Variants in PCDH11X observed in about 807,000 individuals in gnomAD.
The protein encoded by PCDH11X is protocadherin-11 X-linked.
Under a neutral mutation model 53.3 loss-of-function variants are expected in PCDH11X, and 18 were observed. The observed-to-expected ratio is 0.34, with a 90% CI of 0.23 to 0.50. The LOEUF (loss-of-function observed/expected upper bound fraction) is 0.50, where lower values mean the gene tolerates loss of function less well. Among genes scored for constraint, PCDH11X ranks in the 20% least tolerant of loss-of-function variants. The probability of loss-of-function intolerance (pLI) is 0.98; values close to 1 mark genes in which losing one functional copy is unlikely to be tolerated. For missense variants in PCDH11X, 570 were observed against 1,032.4 expected, an observed-to-expected ratio of 0.55 and a Z score of 6.14; for synonymous variants, 279 against 393.3, an observed-to-expected ratio of 0.71 and a Z score of 3.44.
chrX:92,024,632 T>C (rs1450048044), intron 6 of PCDH11X, among the ~76,000 whole-genome samples: 2 of 104,829 alleles, frequency 1.9e-5, no homozygotes, highest in African/African-American at 7.0e-5. Context: ...TAAACTACCA[T>C]TGACATTCTT....
At chrX:92,246,647 G>A (rs769499661) in intron 7 of PCDH11X, among the ~76,000 whole-genome samples, 13 of 111,697 alleles carry the variant, frequency 1.2e-4, no homozygotes, top group South Asian at 3.7e-4. Flanking sequence ...CACCGTGCCC[G>A]ACCTGAAAAG....
intron 6 of PCDH11X, among the ~76,000 whole-genome samples, chrX:91,939,699 T>C (rs2061485682): frequency 9.1e-6 from 1 of 110,042 alleles, no homozygotes; most frequent in African/African-American, 3.3e-5. Flanking sequence ...GGGCTGTCTT[T>C]AAAGTGCTGA....
chrX:92,357,888 T>C (rs1323761632), intron 8 of PCDH11X, among the ~76,000 whole-genome samples: 1 of 111,687 alleles, frequency 9.0e-6, no homozygotes, highest in African/African-American at 3.3e-5. Flanking sequence ...GGATATATTT[T>C]ATTTTATGTT....
intron 6 of PCDH11X, among the ~76,000 whole-genome samples, chrX:91,881,835 C>T (rs1939923229): frequency 1.8e-5 from 2 of 110,255 alleles, no homozygotes; most frequent in South Asian, 7.7e-4. Flanking sequence ...TAAAATATTA[C>T]TGTTAGCAGA....
chrX:92,098,634 C>CTTT (rs1418880511), intron 6 of PCDH11X, among the ~76,000 whole-genome samples: 1 of 67,872 alleles, frequency 1.5e-5, no homozygotes, highest in African/African-American at 5.6e-5. Flanking sequence ...GCTCCAAATG[C>CTTT]TCTTTTTTTT....
rs878930013 is a variant in PCDH11X, at chrX:92,286,031, C to T, written c.3144+22888C>T. 1.7e-4 allele frequency among the ~76,000 whole-genome samples: 19 copies of T among 112,174 alleles called. 1 individual carries two copies. Among genetic ancestry groups the T allele is most frequent in the Admixed American group, 1.0e-3 (11 of 10,588 alleles). On this transcript the variant is annotated intron_variant, in intron 8 of 10. Coordinates refer to ENST00000682573, the MANE Select transcript of PCDH11X (RefSeq NM_032968.5). ...TTAGGAACACCTTTAAGTGGTTTTC[C>T]GCCCCGGGTGGGCCAGGTGTTTCTT...
At chrX:91,870,188 C>T (rs1472216313) in intron 5 of PCDH11X, among the ~76,000 whole-genome samples, 1 of 111,451 alleles carries the variant, frequency 9.0e-6, no homozygotes, top group Non-Finnish European at 1.9e-5. Context: ...ATTAAATCTC[C>T]TTTGTTCCAG....
intron 10 of PCDH11X, among the ~76,000 whole-genome samples, chrX:92,597,045 T>C (rs771702457): frequency 4.5e-5 from 5 of 111,329 alleles, no homozygotes; most frequent in African/African-American, 1.6e-4. Context: ...ATAAAAGCCA[T>C]ATATGACAGA....
intron 9 of PCDH11X, among the ~76,000 whole-genome samples, chrX:92,463,004 G>A (rs1167530426): frequency 1.8e-5 from 2 of 109,963 alleles, no homozygotes; most frequent in Admixed American, 9.7e-5. Context: ...GTCCAGTTCT[G>A]TATATCTCAG....
At chrX:92,357,696 G>C (rs1055899249) in intron 8 of PCDH11X, among the ~76,000 whole-genome samples, 1 of 109,847 alleles carries the variant, frequency 9.1e-6, no homozygotes, top group African/African-American at 3.3e-5. Context: ...AATCTCTGTT[G>C]TTTATAAGAT....
At chrX:92,364,877 C>T (rs2070429142) in intron 8 of PCDH11X, among the ~76,000 whole-genome samples, 1 of 93,916 alleles carries the variant, frequency 1.1e-5, no homozygotes, top group Admixed American at 1.2e-4. Flanking sequence ...AATAGACACT[C>T]CACTCCAGCC....
intron 6 of PCDH11X, among the ~76,000 whole-genome samples, chrX:91,895,827 T>C (rs1243978905): frequency 9.3e-6 from 1 of 107,191 alleles, no homozygotes; most frequent in Non-Finnish European, 1.9e-5. Flanking sequence ...ATTACATGTA[T>C]AATATGTAAT....
chrX:92,407,631 A>G (rs1000959586), intron 9 of PCDH11X, among the ~76,000 whole-genome samples: 1 of 109,494 alleles, frequency 9.1e-6, no homozygotes, highest in Non-Finnish European at 1.9e-5. Flanking sequence ...GATTATTTTT[A>G]CTTAATTATT....
intron 10 of PCDH11X, among the ~76,000 whole-genome samples, chrX:92,522,872 A>C (rs1416176035): frequency 8.9e-6 from 1 of 111,848 alleles, no homozygotes; most frequent in Non-Finnish European, 1.9e-5. Context: ...AGGCCAAGTC[A>C]GTCTGACCCT....
intron 10 of PCDH11X, among the ~76,000 whole-genome samples, chrX:92,493,031 G>A (rs1288407472): frequency 9.0e-6 from 1 of 111,401 alleles, no homozygotes; most frequent in Non-Finnish European, 1.9e-5. Flanking sequence ...TTTTCTAAAT[G>A]TGAGCAAATA....
chrX:91,914,827 G>A (rs36086349), intron 6 of PCDH11X, among the ~76,000 whole-genome samples: 17,707 of 111,030 alleles, frequency 0.16, 1,026 homozygotes, highest in East Asian at 0.24. Flanking sequence ...TTATTTGAGC[G>A]AATAATTGAG....
chrX:92,059,176 G>C (rs2063492112), intron 6 of PCDH11X, among the ~76,000 whole-genome samples: 1 of 107,272 alleles, frequency 9.3e-6, no homozygotes, highest in Admixed American at 1.0e-4. Context: ...CTGATAAAAA[G>C]TTCCAGTTAA....
At chrX:91,890,654 A>G (rs1033209268) in intron 6 of PCDH11X, among the ~76,000 whole-genome samples, 2 of 109,934 alleles carry the variant, frequency 1.8e-5, no homozygotes, top group African/African-American at 6.6e-5. Flanking sequence ...AAGTCCATTA[A>G]AACAATCCTC....
At position 91,807,804 on chromosome X, in the gene PCDH11X, G is replaced by GA. The variant is rs748265974; in HGVS notation, c.-378-1656dup. ...AATTTTTTATGATAAACATTAATGG[G>GA]AAAAAACACTTATTTCAATAAAATT... On this transcript the variant is annotated intron_variant, in intron 1 of 10. Coordinates refer to ENST00000682573, the MANE Select transcript of PCDH11X (RefSeq NM_032968.5). Among the ~76,000 whole-genome samples, 5 of 110,095 alleles carry GA rather than the reference G, an allele frequency of 4.5e-5. No homozygotes were observed. In the East Asian group the frequency reaches 8.6e-4, roughly 19 times the overall value.
Sources: allele counts gnomAD v4.1 joint callset (sites outside exome capture counted in the v4.1 genomes callset), GRCh38; gene constraint gnomAD v4.1.1; transcripts MANE v1.5; gene names NCBI Gene and HGNC (gene_info 2026-07-23, HGNC 2026-07-21).